Variants in MELK observed in about 807,000 individuals in gnomAD.
The protein encoded by MELK is maternal embryonic leucine zipper kinase.
MELK carries 81 observed loss-of-function variants against 85.0 expected under a neutral mutation model. The observed-to-expected ratio is 0.95, with a 90% CI of 0.80 to 1.15. The LOEUF (loss-of-function observed/expected upper bound fraction) is 1.15. Ranked by LOEUF, MELK falls within the 50% of genes most tolerant of loss-of-function variation. The pLI is 0.00. For missense variants in MELK, 754 were observed against 777.5 expected, an observed-to-expected ratio of 0.97 and a Z score of 0.36; for synonymous variants, 252 against 265.0, an observed-to-expected ratio of 0.95 and a Z score of 0.48.
intron 7 of MELK, among the ~76,000 whole-genome samples, chr9:36,600,071 A>G (rs1280126537): frequency 1.3e-5 from 2 of 151,286 alleles, no homozygotes. Context: ...ATTTCAGGAC[A>G]TGTCCAAATC....
intron 1 of MELK, among the ~76,000 whole-genome samples, 158 bp from the exon 2 acceptor site, chr9:36,581,486 T>C (rs1302316908): frequency 1.3e-5 from 2 of 152,186 alleles, no homozygotes; most frequent in South Asian, 2.1e-4. Context: ...CATTTTTATG[T>C]ATGGTGTGAG....
chr9:36,664,995 T>C (rs1451241812), intron 13 of MELK, among the ~76,000 whole-genome samples: 1 of 152,224 alleles, frequency 6.6e-6, no homozygotes. Flanking sequence ...CTGCCCTAAT[T>C]GCTGACTAAA....
chr9:36,608,023 G>A (rs1825723186), intron 8 of MELK, among the ~76,000 whole-genome samples: 1 of 152,102 alleles, frequency 6.6e-6, no homozygotes, highest in South Asian at 2.1e-4. Flanking sequence ...GCTCACGCCT[G>A]TAATCCCAGC....
At chr9:36,673,361 C>G (rs995592904) in intron 16 of MELK, among the ~76,000 whole-genome samples, 2 of 152,160 alleles carry the variant, frequency 1.3e-5, no homozygotes, top group Non-Finnish European at 2.9e-5. Flanking sequence ...GTTGACTCTC[C>G]TTTAACAAAT....
chr9:36,577,241 GA>G (rs1474536091), intron 1 of MELK, among the ~76,000 whole-genome samples: 2 of 152,082 alleles, frequency 1.3e-5, no homozygotes, highest in African/African-American at 4.8e-5. Context: ...TGGCCAGGGC[GA>G]TGGCTCACGC....
intron 10 of MELK, among the ~76,000 whole-genome samples, chr9:36,635,682 C>T (rs182916264): frequency 2.6e-5 from 4 of 152,050 alleles, no homozygotes; most frequent in African/African-American, 7.2e-5. Context: ...ATCTGCAGAC[C>T]GTGCTTTGAG....
intron 8 of MELK, among the ~76,000 whole-genome samples, chr9:36,614,425 GTTT>G (rs58332948): frequency 1.0e-4 from 12 of 118,994 alleles, no homozygotes; most frequent in East Asian, 2.3e-4. Context: ...TTATTTTTGG[GTTT>G]TTTTTTTTTT....
intron 3 of MELK, among the ~76,000 whole-genome samples, chr9:36,588,615 G>C (rs1823201288): frequency 6.7e-6 from 1 of 148,820 alleles, no homozygotes. Context: ...CCAACCTCAG[G>C]TAGTCCGCCC....
chr9:36,581,633 C>G lies in MELK; in HGVS notation c.-38-11C>G. Reference sequence around the variant, plus strand: ...ATTTCCTTTATTGATTATGTACTCTCTGTCTTCTAGGTTCTTTTTCTAATT... The same window carrying G: ...ATTTCCTTTATTGATTATGTACTCTGTGTCTTCTAGGTTCTTTTTCTAATT... On this transcript the variant is annotated splice_polypyrimidine_tract_variant and intron_variant, in intron 1 of 17. Coordinates refer to ENST00000298048, the MANE Select transcript of MELK (RefSeq NM_014791.4). 5 of 1,299,704 alleles carry G rather than the reference C, an allele frequency of 3.8e-6. No individual in the cohort carries two copies. Among genetic ancestry groups the G allele is most frequent in the Non-Finnish European group, 5.5e-6 (5 of 900,998 alleles). 80.5% of individuals were successfully genotyped at this position (1,299,704 alleles called of 1,614,324 possible). A position where few individuals can be genotyped will look rare whatever the true frequency, so the allele number is the denominator to read the frequency against.
At chr9:36,657,168 G>A in intron 12 of MELK, 73 bp from the exon 13 acceptor site, 1 of 1,472,950 alleles carries the variant, frequency 6.8e-7, no homozygotes, top group Non-Finnish European at 9.2e-7. Context: ...GTCGTTAAGT[G>A]ACGCGTGACT....
intron 8 of MELK, among the ~76,000 whole-genome samples, chr9:36,620,426 G>A (rs1827281380): frequency 6.6e-6 from 1 of 152,072 alleles, no homozygotes; most frequent in Non-Finnish European, 1.5e-5. Context: ...TTCATCAGCA[G>A]CATTAGAGCA....
intron 8 of MELK, among the ~76,000 whole-genome samples, chr9:36,614,132 TGTC>T (rs1334995499): frequency 1.6e-4 from 24 of 149,504 alleles, no homozygotes; most frequent in African/African-American, 6.0e-4. Flanking sequence ...AGTCTCGCCC[TGTC>T]GTCCAGGCTG....
At chr9:36,595,765 C>T (rs1406277811) in intron 5 of MELK, among the ~76,000 whole-genome samples, 1 of 151,908 alleles carries the variant, frequency 6.6e-6, no homozygotes, top group African/African-American at 2.4e-5. Flanking sequence ...GCCACCATGC[C>T]TGGCTAATTT....
intron 8 of MELK, among the ~76,000 whole-genome samples, chr9:36,624,083 CTTT>C (rs774510229): frequency 1.5e-5 from 2 of 132,922 alleles, no homozygotes; most frequent in Non-Finnish European, 1.6e-5. Context: ...TATTATACTT[CTTT>C]TTTTTTTTTT....
At chr9:36,594,537 A>G in intron 4 of MELK, 91 bp from the exon 5 acceptor site, 1 of 1,431,294 alleles carries the variant, frequency 7.0e-7, no homozygotes, top group Non-Finnish European at 9.6e-7. Flanking sequence ...AATTAATAAT[A>G]TCTCTGAGTT....
intron 7 of MELK, chr9:36,606,688 C>A (rs1221871855): frequency 6.8e-6 from 1 of 146,722 alleles, no homozygotes; most frequent in Non-Finnish European, 1.5e-5. Flanking sequence ...TATATGTATA[C>A]ATGTATGCAT....
chr9:36,661,951 A>G (rs1156425030), intron 13 of MELK, among the ~76,000 whole-genome samples: 1 of 151,046 alleles, frequency 6.6e-6, no homozygotes. Context: ...AAAAAAAAAA[A>G]AAAAACAAAA....
rs538952307 is a variant in MELK at position 36,642,539 on chromosome 9, G to A, written c.835-458G>A. 7.5e-4 allele frequency among the ~76,000 whole-genome samples: 107 copies of A among 142,442 alleles called. 2 individuals carry two copies. The South Asian group carries it at 0.017, about 23-fold the overall frequency. The allele number at this position is 142,442 out of a possible 152,430, so 93.4% of individuals were successfully genotyped here. A position where few individuals can be genotyped will look rare whatever the true frequency, so the allele number is the denominator to read the frequency against. ...CGCCTCCTGGGTTCAAGTGATTCTT[G>A]TGCCACAGCCTCCCAAGTGGCTGGG... On this transcript the variant is annotated intron_variant, in intron 10 of 17. Transcript: ENST00000298048.
chr9:36,627,959 T>C (rs1336349231), intron 8 of MELK, among the ~76,000 whole-genome samples: 1 of 152,082 alleles, frequency 6.6e-6, no homozygotes, highest in Non-Finnish European at 1.5e-5. Context: ...TGGAGTACTA[T>C]GGCACAATCT....
Sources: gnomAD v4.1 joint callset for allele counts (sites outside exome capture counted in the v4.1 genomes callset) on GRCh38, gnomAD v4.1.1 for gene constraint, MANE v1.5 for transcripts, NCBI Gene and HGNC (gene_info 2026-07-23, HGNC 2026-07-21) for gene names.